Variants in KCNH5 observed in about 807,000 individuals in gnomAD.
The protein encoded by KCNH5 is potassium voltage-gated channel subfamily H member 5, also known as voltage-gated delayed rectifier potassium channel KCNH5.
KCNH5 carries 46 observed loss-of-function variants against 96.1 expected under a neutral mutation model. The ratio of observed to expected loss-of-function variants is 0.48; its 90% CI spans 0.38 to 0.61. KCNH5 has a LOEUF of 0.61. KCNH5 is among the 20% of genes least tolerant of loss of function. The pLI is 0.00. For synonymous variants in KCNH5, 439 were observed against 449.8 expected, an observed-to-expected ratio of 0.98 and a Z score of 0.30; for missense variants, 907 against 1,225.8, an observed-to-expected ratio of 0.74 and a Z score of 3.88.
At position 62,869,381 on chromosome 14, in the gene KCNH5, T is replaced by TG. The variant is rs548097293; in HGVS notation, c.1370-19530_1370-19529insC. Among the ~76,000 whole-genome samples the TG allele has an allele frequency of 5.0e-4, 68 of 136,834 alleles. 3 individuals carry two copies. The South Asian group carries it at 8.4e-3, about 17-fold the overall frequency. 89.8% of individuals were successfully genotyped at this position (136,834 alleles called of 152,430 possible). ...TCCTTTGCCTACTTTTTGATGGGGT[T>TG]TTTTTTTTTCTTGTAAATCTGTTTA... On this transcript the variant is annotated intron_variant, in intron 7 of 10. Coordinates refer to ENST00000322893, the MANE Select transcript of KCNH5 (RefSeq NM_139318.5).
At chr14:62,717,945 A>G (rs560333054) in intron 10 of KCNH5, among the ~76,000 whole-genome samples, 56 of 152,346 alleles carry the variant, frequency 3.7e-4, no homozygotes, top group African/African-American at 1.3e-3. Context: ...AGCCACAAAA[A>G]TGAATGCAGT....
chr14:62,707,548 G>C lies in KCNH5; in HGVS notation c.2927C>G (p.Pro976Arg), dbSNP rs2139898259. 6.7e-7 allele frequency: 1 copy of C among 1,495,936 alleles called. No individual in the cohort carries two copies. Among genetic ancestry groups the C allele is most frequent in the East Asian group, 2.3e-5 (1 of 43,592 alleles). 92.7% of individuals were successfully genotyped at this position (1,495,936 alleles called of 1,614,324 possible). Residue 976 changes from proline (P) to arginine (R), a missense_variant, in exon 11 of 11, where the codon CCT becomes CGT. This residue lies in a region of KCNH5 where 362 missense variants were observed against 394.4 expected (regional missense o/e 0.92). Coordinates refer to ENST00000322893, the MANE Select transcript of KCNH5 (RefSeq NM_139318.5). ...PCQDIFSVSR[P>R]ESPESDKDEI... Reference sequence around the variant, plus strand: ...ATCTTTGTCAGATTCAGGTGATTCAGGCCTTGAGACACTAAAAATATCCTG... The same window carrying C: ...ATCTTTGTCAGATTCAGGTGATTCACGCCTTGAGACACTAAAAATATCCTG...
chr14:62,805,094 C>T (rs1345867727), intron 8 of KCNH5, among the ~76,000 whole-genome samples: 1 of 152,090 alleles, frequency 6.6e-6, no homozygotes, highest in Non-Finnish European at 1.5e-5. Flanking sequence ...TAAATACATA[C>T]ACACATACAC....
chr14:62,985,817 A>G (rs1441782263), intron 5 of KCNH5, among the ~76,000 whole-genome samples: 1 of 152,166 alleles, frequency 6.6e-6, no homozygotes, highest in African/African-American at 2.4e-5. Context: ...CTGTTCAGGC[A>G]TCTCCACTAG....
intron 9 of KCNH5, among the ~76,000 whole-genome samples, chr14:62,794,868 T>C (rs1423291279): frequency 6.6e-6 from 1 of 152,140 alleles, no homozygotes; most frequent in African/African-American, 2.4e-5. Context: ...TTCTAGTTGA[T>C]GACAAAAGCA....
At chr14:62,905,783 A>G (rs1889015578) in intron 7 of KCNH5, among the ~76,000 whole-genome samples, 1 of 152,216 alleles carries the variant, frequency 6.6e-6, no homozygotes, top group Non-Finnish European at 1.5e-5. Flanking sequence ...CACTTGCTAT[A>G]TCTAAAGGTC....
chr14:62,929,513 G>T (rs1889540309), intron 7 of KCNH5, among the ~76,000 whole-genome samples: 2 of 151,972 alleles, frequency 1.3e-5, no homozygotes, highest in South Asian at 4.2e-4. Flanking sequence ...TTCATGGTCT[G>T]GTCTCATTAC....
intron 1 of KCNH5, among the ~76,000 whole-genome samples, chr14:63,028,069 T>C (rs916228883): frequency 2.6e-5 from 4 of 152,110 alleles, no homozygotes; most frequent in Non-Finnish European, 5.9e-5. Flanking sequence ...CTTACAATTT[T>C]AAAAGCATGC....
chr14:62,878,502 A>G (rs1353898068), intron 7 of KCNH5, among the ~76,000 whole-genome samples: 1 of 152,124 alleles, frequency 6.6e-6, no homozygotes, highest in African/African-American at 2.4e-5. Flanking sequence ...CCACTTCCAA[A>G]TATCATTAGA....
intron 7 of KCNH5, among the ~76,000 whole-genome samples, chr14:62,931,650 G>A (rs1245347252): frequency 6.6e-6 from 1 of 152,138 alleles, no homozygotes; most frequent in Non-Finnish European, 1.5e-5. Flanking sequence ...ATGCAGTACA[G>A]AGCCACTAAA....
intron 10 of KCNH5, among the ~76,000 whole-genome samples, chr14:62,756,625 G>C (rs1422923609): frequency 1.3e-5 from 2 of 152,118 alleles, no homozygotes; most frequent in Admixed American, 1.3e-4. Context: ...GAACAGAATA[G>C]AGAATTCAGT....
At chr14:62,820,958 C>T (rs1381662546) in intron 8 of KCNH5, among the ~76,000 whole-genome samples, 2 of 151,996 alleles carry the variant, frequency 1.3e-5, no homozygotes, top group African/African-American at 4.8e-5. Context: ...TGAGGAATCA[C>T]CACACTGTCT....
intron 9 of KCNH5, among the ~76,000 whole-genome samples, chr14:62,794,051 TCA>T (rs755200079): frequency 2.0e-5 from 3 of 151,892 alleles, no homozygotes; most frequent in Non-Finnish European, 4.4e-5. Flanking sequence ...CTCATGACAT[TCA>T]CACTCTGGGC....
rs768025930 is a variant in KCNH5, at chr14:62,707,651, GTA to G, written c.2822_2823del (p.Ile941ThrfsTer31). ...LEKQVAEILK[I>X]LSEKSVPQAS... is the part of the protein sequence containing the mutation. ...GCCTGGGGTACGCTTTTTTCCGACA[GTA>G]TTTTTAAAATTTCTGCCACCTGCTT... On this transcript the variant is annotated frameshift_variant, in exon 11 of 11. Coordinates refer to ENST00000322893, the MANE Select transcript of KCNH5 (RefSeq NM_139318.5). LOFTEE classifies it high-confidence loss of function. 2.5e-6 allele frequency: 4 copies of G among 1,586,250 alleles called. No individual in the cohort carries two copies. The highest frequency in any genetic ancestry group is 3.4e-6 in the Non-Finnish European group (4 of 1,162,206).
At chr14:62,747,955 G>A (rs1445558566) in intron 10 of KCNH5, among the ~76,000 whole-genome samples, 1 of 152,146 alleles carries the variant, frequency 6.6e-6, no homozygotes, top group Non-Finnish European at 1.5e-5. Flanking sequence ...GTTTATTTCT[G>A]CAATTTCAAG....
intron 8 of KCNH5, among the ~76,000 whole-genome samples, chr14:62,831,663 TA>T (rs1433355643): frequency 6.6e-6 from 1 of 152,196 alleles, no homozygotes; most frequent in Non-Finnish European, 1.5e-5. Flanking sequence ...TCCCAGTTTG[TA>T]GATTATTTTT....
At position 62,786,820 on chromosome 14, in the gene KCNH5, T is replaced by C. The variant is rs752515237; in HGVS notation, c.1823-6896A>G. Among the ~76,000 whole-genome samples, 2 of 152,306 alleles carry C rather than the reference T, an allele frequency of 1.3e-5. 1 individual carries two copies. Among genetic ancestry groups the C allele is most frequent in the South Asian group, 4.1e-4 (2 of 4,830 alleles). ...TCAGTAATCTTTCATGTTATTGTTG[T>C]AATTGTTTGGGGCCACTACAAACCA... On this transcript the variant is annotated intron_variant, in intron 9 of 10. Coordinates refer to ENST00000322893, the MANE Select transcript of KCNH5 (RefSeq NM_139318.5).
intron 2 of KCNH5, among the ~76,000 whole-genome samples, chr14:63,007,951 C>T (rs1403776358): frequency 6.6e-6 from 1 of 152,090 alleles, no homozygotes; most frequent in East Asian, 1.9e-4. Flanking sequence ...ACAAAACTTG[C>T]CCAAGAACTA....
At chr14:62,845,285 A>G (rs1887668245) in intron 8 of KCNH5, among the ~76,000 whole-genome samples, 1 of 152,212 alleles carries the variant, frequency 6.6e-6, no homozygotes, top group African/African-American at 2.4e-5. Context: ...TACATACATA[A>G]TTCTAAGATG....
Sources: gnomAD v4.1 joint callset for allele counts (sites outside exome capture counted in the v4.1 genomes callset) on GRCh38, gnomAD v4.1.1 for gene constraint, gnomAD v4.1.1 regional missense constraint, MANE v1.5 for transcripts, NCBI Gene and HGNC (gene_info 2026-07-23, HGNC 2026-07-21) for gene names.